Variants in ALK observed in about 807,000 individuals in gnomAD.
The protein encoded by ALK is ALK tyrosine kinase receptor.
ALK carries 74 observed loss-of-function variants against 163.1 expected under a neutral mutation model. The ratio of observed to expected loss-of-function variants is 0.45; its 90% CI spans 0.38 to 0.55. The LOEUF is 0.55. Among genes scored for constraint, ALK ranks in the 20% least tolerant of loss-of-function variants. The pLI is 0.00. For missense variants in ALK, 2,063 were observed against 2,105.3 expected, an observed-to-expected ratio of 0.98 and a Z score of 0.39; for synonymous variants, 960 against 843.2, an observed-to-expected ratio of 1.14 and a Z score of -2.40.
chr2:29,507,911 C>T (rs1672381261), intron 4 of ALK, among the ~76,000 whole-genome samples: 1 of 152,140 alleles, frequency 6.6e-6, no homozygotes, highest in African/African-American at 2.4e-5. Context: ...CGTGGCTCTG[C>T]CGGCAGTCAG....
chr2:29,333,359 G>A (rs541505238), intron 5 of ALK, among the ~76,000 whole-genome samples: 4 of 152,162 alleles, frequency 2.6e-5, no homozygotes, highest in African/African-American at 7.2e-5. Context: ...CAAGTGATCC[G>A]CCCACCTTGG....
chr2:29,908,284 A>G (rs1167394678), intron 1 of ALK, among the ~76,000 whole-genome samples: 24 of 4,866 alleles, frequency 4.9e-3, no homozygotes, highest in Middle Eastern at 0.12. Context: ...TCCAGAGCAC[A>G]CACACACACA....
chr2:29,568,073 C>G (rs1320288990), intron 3 of ALK, among the ~76,000 whole-genome samples: 1 of 152,214 alleles, frequency 6.6e-6, no homozygotes, highest in Non-Finnish European at 1.5e-5. Context: ...CATCCAATAT[C>G]TGTACCAGCA....
At chr2:29,612,291 C>T (rs190149565) in intron 3 of ALK, among the ~76,000 whole-genome samples, 10 of 152,316 alleles carry the variant, frequency 6.6e-5, no homozygotes, top group East Asian at 1.9e-4. Context: ...ATAATTTGCA[C>T]GTCTTCCCCT....
rs146992197 is a variant in ALK at position 29,831,028 on chromosome 2, A to AAGG, written c.667+88962_667+88964dup. 9.8e-3 allele frequency among the ~76,000 whole-genome samples: 358 copies of AAGG among 36,552 alleles called. 66 individuals carry two copies. Among genetic ancestry groups the AAGG allele is most frequent in the Non-Finnish European group, 0.016 (294 of 18,800 alleles). The allele number at this position is 36,552 out of a possible 152,430, so 24.0% of individuals were successfully genotyped here. A position where few individuals can be genotyped will look rare whatever the true frequency, so the allele number is the denominator to read the frequency against. On this transcript the variant is annotated intron_variant, in intron 1 of 28. Transcript: ENST00000389048. ...GAAGAAGAAGGGGAAGAGGAAGGGG[A>AAGG]AGGAGGAGGAGGAGGAGAAGGAGAA... is the stretch of plus-strand genomic sequence containing the variant.
At chr2:29,892,559 A>T (rs1667169780) in intron 1 of ALK, among the ~76,000 whole-genome samples, 1 of 152,204 alleles carries the variant, frequency 6.6e-6, no homozygotes, top group African/African-American at 2.4e-5. Context: ...ACAATCAATC[A>T]GCCCATTGGA....
At chr2:29,535,444 T>C (rs534877393) in intron 3 of ALK, among the ~76,000 whole-genome samples, 32 of 152,352 alleles carry the variant, frequency 2.1e-4, no homozygotes, top group Admixed American at 7.2e-4. Context: ...TTTGTATCTG[T>C]TCAGTTATTG....
At chr2:29,303,250 A>G (rs1666418736) in intron 8 of ALK, among the ~76,000 whole-genome samples, 3 of 152,240 alleles carry the variant, frequency 2.0e-5, no homozygotes, top group Admixed American at 2.0e-4. Context: ...TCTCAAAAGA[A>G]GACATACAAC....
chr2:29,918,883 G>A (rs74973038), intron 1 of ALK, among the ~76,000 whole-genome samples: 4,000 of 152,250 alleles, frequency 0.026, 165 homozygotes, highest in African/African-American at 0.09. Flanking sequence ...TGGAATTTGT[G>A]TAGGCTTTTT....
chr2:29,272,185 G>GGAGAGAGAGAGAGAGAGA (rs57649688), intron 11 of ALK, among the ~76,000 whole-genome samples: 6 of 145,210 alleles, frequency 4.1e-5, no homozygotes, highest in Admixed American at 6.9e-5. Context: ...GTCGGGTGAG[G>GGAGAGAGAGAGAGAGAGA]GAGAGAGAGA....
chr2:29,734,746 T>C (rs576761597), intron 1 of ALK, among the ~76,000 whole-genome samples: 6 of 151,786 alleles, frequency 4.0e-5, no homozygotes, highest in East Asian at 1.9e-4. Context: ...TAAAAGAAAA[T>C]TAAAATACTG....
chr2:29,810,638 G>T (rs184563977), intron 1 of ALK, among the ~76,000 whole-genome samples: 95 of 152,194 alleles, frequency 6.2e-4, no homozygotes, highest in African/African-American at 2.2e-3. Flanking sequence ...ACAACTTTGT[G>T]CAAGTCACTT....
At chr2:29,316,697 A>G (rs2148246636) in intron 8 of ALK, among the ~76,000 whole-genome samples, 1 of 152,334 alleles carries the variant, frequency 6.6e-6, no homozygotes. Flanking sequence ...GCTCTCAGAC[A>G]CCTGAGAAAT....
intron 5 of ALK, among the ~76,000 whole-genome samples, chr2:29,364,764 A>C (rs1233906121): frequency 1.3e-5 from 2 of 152,160 alleles, no homozygotes; most frequent in Non-Finnish European, 2.9e-5. Context: ...CTTATTAATT[A>C]ATTCATCCAT....
At chr2:29,201,084 T>C (rs1669167050) in intron 26 of ALK, among the ~76,000 whole-genome samples, 1 of 151,246 alleles carries the variant, frequency 6.6e-6, no homozygotes, top group Admixed American at 6.6e-5. Context: ...AAGGAGGTTA[T>C]GATTAAAGAA....
In ALK at chr2:29,556,262, C is replaced by T. The variant is rs150535016; in HGVS notation, c.953-24146G>A. Among the ~76,000 whole-genome samples the T allele has an allele frequency of 8.5e-5, 13 of 152,258 alleles. No individual in the cohort carries two copies. The East Asian group carries it at 2.1e-3, about 25-fold the overall frequency. ...TCTTACTGTAGGACAAGGCATGTAG[C>T]GTTTCTAAAGTGTCTATGAAATAGG... On this transcript the variant is annotated intron_variant, in intron 3 of 28. Transcript: ENST00000389048.
At chr2:29,573,257 A>G (rs1573467295) in intron 3 of ALK, among the ~76,000 whole-genome samples, 1 of 152,050 alleles carries the variant, frequency 6.6e-6, no homozygotes, top group East Asian at 1.9e-4. Flanking sequence ...GCTTGATGCA[A>G]TTTCATGATA....
At chr2:29,676,835 T>C (rs1677887262) in intron 3 of ALK, among the ~76,000 whole-genome samples, 2 of 151,444 alleles carry the variant, frequency 1.3e-5, no homozygotes, top group South Asian at 4.2e-4. Flanking sequence ...TTTTAATGTA[T>C]GCAGCTTGCA....
chr2:29,707,233 C>T lies in ALK; in HGVS notation c.787+10345G>A, dbSNP rs139549456. Among the ~76,000 whole-genome samples, 108 of 152,206 alleles carry T rather than the reference C, an allele frequency of 7.1e-4. 1 individual carries two copies. Among genetic ancestry groups the T allele is most frequent in the African/African-American group, 2.4e-3 (100 of 41,536 alleles). Reference sequence around the variant, plus strand: ...TAAGGGAGACCCCAGAATATGCAGACGGACCTCCCCACTTACTCTTCTGTC... The same window carrying T: ...TAAGGGAGACCCCAGAATATGCAGATGGACCTCCCCACTTACTCTTCTGTC... On this transcript the variant is annotated intron_variant, in intron 2 of 28. Transcript: ENST00000389048.
Sources: gnomAD v4.1 joint callset for allele counts (sites outside exome capture counted in the v4.1 genomes callset) on GRCh38, gnomAD v4.1.1 for gene constraint, MANE v1.5 for transcripts, NCBI Gene and HGNC (gene_info 2026-07-23, HGNC 2026-07-21) for gene names.